The following SMARCA4 variants were observed in gnomAD, a reference collection of about 807,000 sequenced individuals.
The protein encoded by SMARCA4 is SWI/SNF related BAF chromatin remodeling complex subunit ATPase 4, also known as SWI/SNF-related matrix-associated actin-dependent regulator of chromatin subfamily A member 4.
In SMARCA4, 31 loss-of-function variants were observed where a neutral mutation model predicts 193.9. The observed-to-expected ratio is 0.16, with a 90% CI of 0.12 to 0.22. The LOEUF (loss-of-function observed/expected upper bound fraction) is 0.22. SMARCA4 is among the 10% of genes least tolerant of loss of function. SMARCA4 has a pLI of 1.00. For missense variants in SMARCA4, 1,148 were observed against 2,296.0 expected, an observed-to-expected ratio of 0.50 and a Z score of 10.22; for synonymous variants, 942 against 933.1, an observed-to-expected ratio of 1.01 and a Z score of -0.17.
rs2075073742 is a variant in SMARCA4, at chr19:11,033,576, T to G, written c.3774+59T>G. The G allele has an allele frequency of 3.6e-6, 5 of 1,407,906 alleles. No individual in the cohort carries two copies. Among genetic ancestry groups the G allele is most frequent in the Non-Finnish European group, 5.0e-6 (5 of 993,582 alleles). The allele number at this position is 1,407,906 out of a possible 1,614,324, so 87.2% of individuals were successfully genotyped here. A position where few individuals can be genotyped will look rare whatever the true frequency, so the allele number is the denominator to read the frequency against. On this transcript the variant is annotated intron_variant, in intron 26 of 34. Coordinates refer to ENST00000344626, the MANE Select transcript of SMARCA4 (RefSeq NM_003072.5). The surrounding 1 kb of genome is among the most constrained non-coding windows in gnomAD (Gnocchi z 9.8). ...CGTGAATGGTGGACGCGTGAGCGGC[T>G]TTCATTTTTGTTTTTTTACCTTTTT...
intron 11 of SMARCA4, among the ~76,000 whole-genome samples, chr19:10,996,980 C>T (rs1295279180): frequency 2.0e-5 from 3 of 151,378 alleles, no homozygotes; most frequent in South Asian, 2.1e-4. Context: ...TCCTACCCTT[C>T]GAGTAGCTGG....
In SMARCA4 at chr19:11,033,484, G is replaced by T. The variant is rs1290701081; in HGVS notation, c.3741G>T (p.Leu1247=). 3.7e-6 allele frequency: 6 copies of T among 1,613,270 alleles called. 1 individual carries two copies. In the Admixed American group the frequency reaches 6.7e-5, roughly 18 times the overall value. The change falls in exon 26 of 35, where the codon CTG becomes CTT. Residue 1247 remains leucine, a synonymous_variant. Coordinates refer to ENST00000344626, the MANE Select transcript of SMARCA4 (RefSeq NM_003072.5). This position sits in a 1 kb window ranked among gnomAD's most constrained non-coding sequence, Gnocchi z 9.8. ...KSSSHERRAF[L]QAILEHEEQD... ...CCAGCCATGAGCGGCGCGCCTTCCT[G>T]CAGGCCATCCTGGAGCACGAGGAGC... is the stretch of plus-strand genomic sequence containing the variant.
At chr19:10,991,459 T>C in intron 8 of SMARCA4, 136 bp downstream of exon 8, 1 of 1,381,708 alleles carries the variant, frequency 7.2e-7, no homozygotes, top group Non-Finnish European at 9.9e-7. Flanking sequence ...TGTAACAGTA[T>C]TCTAGGTACT....
chr19:10,996,118 C>T lies in SMARCA4; in HGVS notation c.1594-95C>T, dbSNP rs767537148. On this transcript the variant is annotated intron_variant, in intron 9 of 34. Transcript: ENST00000344626. ...TGGCACGGCACCCGCGTGAGCTACG[C>T]GTGCCCTCAGTGCGCTTCTGGATTG... 159 of 1,255,372 alleles carry T rather than the reference C, an allele frequency of 1.3e-4. 1 individual carries two copies. In the South Asian group the frequency reaches 1.8e-3, roughly 14 times the overall value. 77.8% of individuals were successfully genotyped at this position (1,255,372 alleles called of 1,614,324 possible).
chr19:10,996,808 G>C (rs769253783), intron 11 of SMARCA4, among the ~76,000 whole-genome samples: 8 of 152,140 alleles, frequency 5.3e-5, no homozygotes, highest in Non-Finnish European at 1.2e-4. Context: ...CAGGAGAGGT[G>C]CAAGAACCGT....
At chr19:10,991,087 G>C (rs2145875333) in intron 7 of SMARCA4, 63 bp from the exon 8 acceptor site, 2 of 1,603,868 alleles carry the variant, frequency 1.2e-6, no homozygotes, top group Non-Finnish European at 1.7e-6. Flanking sequence ...CACCATACGT[G>C]TTTGTCATTG....
chr19:11,027,625 C>T, intron 23 of SMARCA4, 159 bp from the exon 24 acceptor site: 1 of 781,000 alleles, frequency 1.3e-6, no homozygotes, highest in Non-Finnish European at 2.2e-6. Flanking sequence ...AATGGCTTTG[C>T]TGAAGCTTTG....
chr19:10,995,533 G>A (rs1363371817), intron 9 of SMARCA4: 2 of 456,006 alleles, frequency 4.4e-6, no homozygotes, highest in South Asian at 3.1e-5. Context: ...TGGAAGGGGA[G>A]GGACAGGGTA....
In SMARCA4 at chr19:11,027,853, C is replaced by G. The variant is rs1314371535; in HGVS notation, c.3285C>G (p.Thr1095=). The part of the protein sequence containing the change: ...LDRILPKLRA[T]NHKVLLFCQM... The stretch of plus-strand genomic sequence containing the variant: ...GAATTCTTCCCAAACTCCGAGCAAC[C>G]AACCACAAAGTGCTGCTGTTCTGCC... The change falls in exon 24 of 35, where the codon ACC becomes ACG. Residue 1095 remains threonine (T), a synonymous_variant. Coordinates refer to ENST00000344626, the MANE Select transcript of SMARCA4 (RefSeq NM_003072.5). 2.5e-6 allele frequency: 4 copies of G among 1,614,124 alleles called. No individual in the cohort carries two copies. Among genetic ancestry groups the G allele is most frequent in the Non-Finnish European group, 3.4e-6 (4 of 1,180,014 alleles).
rs1276154532 is a variant in SMARCA4, at chr19:11,039,551, A to G, written c.4171-1756A>G. 2 of 1,593,820 alleles carry G rather than the reference A, an allele frequency of 1.3e-6. No individual in the cohort carries two copies. Among genetic ancestry groups the G allele is most frequent in the Admixed American group, 1.8e-5 (1 of 56,774 alleles). On this transcript the variant is annotated intron_variant, in intron 29 of 34. Transcript: ENST00000344626. ...CCTTCAGTTCTGCACACGTGCGTCA[A>G]AGGTGGGGAGAGTTCTGGTGGTGGG... is the stretch of plus-strand genomic sequence containing the variant.
intron 1 of SMARCA4, among the ~76,000 whole-genome samples, chr19:10,968,255 T>C (rs561384280): frequency 5.9e-5 from 9 of 152,350 alleles, no homozygotes; most frequent in South Asian, 2.1e-4. Flanking sequence ...TCCAAACTGC[T>C]GAGATTACAG....
At chr19:11,013,629 G>A (rs551114086) in intron 16 of SMARCA4, among the ~76,000 whole-genome samples, 4 of 152,162 alleles carry the variant, frequency 2.6e-5, no homozygotes, top group East Asian at 1.9e-4. Context: ...TCCCTCTCCC[G>A]GGATGTCCTT....
At chr19:10,988,509 G>A (rs912900130) in intron 6 of SMARCA4, among the ~76,000 whole-genome samples, 1 of 152,074 alleles carries the variant, frequency 6.6e-6, no homozygotes, top group Admixed American at 6.6e-5. Flanking sequence ...GTCCACTCCT[G>A]CCCAGCATCC....
rs878854210 is a variant in SMARCA4 at position 11,019,618 on chromosome 19, G to C, written c.2533G>C (p.Val845Leu). 1 of 1,612,766 alleles carries C rather than the reference G, an allele frequency of 6.2e-7. No individual in the cohort carries two copies. Among genetic ancestry groups the C allele is most frequent in the Non-Finnish European group, 8.5e-7 (1 of 1,179,442 alleles). The change falls in exon 18 of 35, where the codon GTC becomes CTC. Residue 845 changes from valine (V) to leucine (L), a missense_variant. Physicochemically the swap from Val to Leu is conservative, Grantham distance 32 (BLOSUM62 1). Transcript: ENST00000344626. The surrounding 1 kb of genome is among the most constrained non-coding windows in gnomAD (Gnocchi z 6.1). Reference protein sequence around the residue: ...KGSPAARRAFVPQLRSGKFNV... With the variant: ...KGSPAARRAFLPQLRSGKFNV... ...ATCCCCAGCAGCAAGACGGGCCTTT[G>C]TCCCCCAGCTCCGGAGTGGGAAGTT...
Position 11,034,032 on chromosome 19 carries a change from C to T in SMARCA4, c.3874-91C>T. The T allele has an allele frequency of 1.0e-6, 1 of 966,644 alleles. No homozygotes were observed. The highest frequency in any genetic ancestry group is 1.7e-6 in the Non-Finnish European group (1 of 593,590). 59.9% of individuals were successfully genotyped at this position (966,644 alleles called of 1,614,324 possible). On this transcript the variant is annotated intron_variant, in intron 27 of 34. Transcript: ENST00000344626. This position sits in a 1 kb window ranked among gnomAD's most constrained non-coding sequence, Gnocchi z 7.0. ...CGCAGCCGTGCCGGGACCACCAGCT[C>T]ATTCCCACGGACGCCGCCGCTCGCC...
intron 13 of SMARCA4, among the ~76,000 whole-genome samples, chr19:11,006,606 G>A (rs563243095): frequency 1.5e-3 from 221 of 151,796 alleles, no homozygotes; most frequent in Non-Finnish European, 2.4e-3. Context: ...ACAAAAATTA[G>A]CCGGGGTGAT....
chr19:11,009,113 C>T (rs2088558259), intron 14 of SMARCA4, among the ~76,000 whole-genome samples: 1 of 135,722 alleles, frequency 7.4e-6, no homozygotes, highest in South Asian at 2.6e-4. Context: ...CCTCCACCTC[C>T]TGGGTTCGAG....
rs2074829581 is a variant in SMARCA4, at chr19:11,030,221, T to G, written c.3383-509T>G. 1.3e-5 allele frequency among the ~76,000 whole-genome samples: 2 copies of G among 152,136 alleles called. No homozygotes were observed. The highest frequency in any genetic ancestry group is 2.9e-5 in the Non-Finnish European group (2 of 68,020). On this transcript the variant is annotated intron_variant, in intron 24 of 34. Transcript: ENST00000344626. The surrounding 1 kb of genome is among the most constrained non-coding windows in gnomAD (Gnocchi z 5.5). The stretch of plus-strand genomic sequence containing the variant: ...TCTCCATGCTTTTACCGTAGAAGAT[T>G]CTCTTTGTGAACCACAAAACTTTTT...
At chr19:10,997,148 T>G (rs1042059545) in intron 11 of SMARCA4, among the ~76,000 whole-genome samples, 4 of 151,924 alleles carry the variant, frequency 2.6e-5, no homozygotes, top group Non-Finnish European at 4.4e-5. Context: ...GCCTCCTGAG[T>G]AGCTGGGATT....
Sources: allele counts gnomAD v4.1 joint callset (sites outside exome capture counted in the v4.1 genomes callset), GRCh38; gene constraint gnomAD v4.1.1; non-coding constraint Gnocchi (gnomAD v3.1); transcripts MANE v1.5; gene names NCBI Gene and HGNC (gene_info 2026-07-23, HGNC 2026-07-21).